The following RIMS2 variants were observed in gnomAD, a reference collection of about 807,000 sequenced individuals.
The protein encoded by RIMS2 is regulating synaptic membrane exocytosis 2.
Under a neutral mutation model 174.4 loss-of-function variants are expected in RIMS2, and 59 were observed. The observed-to-expected ratio is 0.34, with a 90% confidence interval of 0.27 to 0.42. The LOEUF (loss-of-function observed/expected upper bound fraction) is 0.42. RIMS2 is among the 10% of genes least tolerant of loss of function. The pLI is 1.00. For synonymous variants in RIMS2, 606 were observed against 572.5 expected, an observed-to-expected ratio of 1.06 and a Z score of -0.84; for missense variants, 1,620 against 1,666.3, an observed-to-expected ratio of 0.97 and a Z score of 0.48.
At chr8:103,894,881 A>G (rs2099268449) in intron 4 of RIMS2, among the ~76,000 whole-genome samples, 1 of 151,580 alleles carries the variant, frequency 6.6e-6, no homozygotes, top group African/African-American at 2.4e-5. Context: ...CAGTCCCTGG[A>G]TTACAGTACA....
chr8:103,667,855 G>A (rs2096692540), intron 1 of RIMS2, among the ~76,000 whole-genome samples: 1 of 152,130 alleles, frequency 6.6e-6, no homozygotes, highest in Non-Finnish European at 1.5e-5. Flanking sequence ...AGTCTGTAGG[G>A]GATCTTCTGA....
chr8:103,667,202 T>C (rs961998660), intron 1 of RIMS2, among the ~76,000 whole-genome samples: 1 of 152,190 alleles, frequency 6.6e-6, no homozygotes. Context: ...ACATAATGTA[T>C]GTGTCATGTG....
intron 19 of RIMS2, among the ~76,000 whole-genome samples, chr8:104,186,778 G>A (rs887166714): frequency 6.6e-6 from 1 of 151,690 alleles, no homozygotes; most frequent in Admixed American, 6.6e-5. Flanking sequence ...TTACTTATCT[G>A]TATTAGAGAA....
intron 1 of RIMS2, among the ~76,000 whole-genome samples, chr8:103,638,984 C>T (rs1179832131): frequency 6.6e-6 from 1 of 151,970 alleles, no homozygotes; most frequent in African/African-American, 2.4e-5. Context: ...AAATTTAGCA[C>T]TGCTGGCAGG....
chr8:104,095,661 T>G (rs1012727331), intron 19 of RIMS2, among the ~76,000 whole-genome samples: 1 of 152,020 alleles, frequency 6.6e-6, no homozygotes, highest in Admixed American at 6.6e-5. Context: ...TATATGAGAC[T>G]GAAAATTGTA....
chr8:103,571,264 A>T (rs905346938), intron 1 of RIMS2, among the ~76,000 whole-genome samples: 1 of 152,234 alleles, frequency 6.6e-6, no homozygotes, highest in Admixed American at 6.5e-5. Flanking sequence ...TATGTTCAAC[A>T]AAATAAAATT....
intron 10 of RIMS2, among the ~76,000 whole-genome samples, chr8:103,923,399 G>A (rs143530045): frequency 6.6e-6 from 1 of 151,820 alleles, no homozygotes; most frequent in Non-Finnish European, 1.5e-5. Context: ...GAATCCCAAG[G>A]TCTTATTACA....
intron 3 of RIMS2, among the ~76,000 whole-genome samples, chr8:103,828,696 G>A (rs878998194): frequency 8.6e-6 from 1 of 116,364 alleles, no homozygotes; most frequent in Non-Finnish European, 2.0e-5. Context: ...TTATAGTCTT[G>A]GGTTTTACAT....
At chr8:103,645,316 T>C (rs1164851059) in intron 1 of RIMS2, among the ~76,000 whole-genome samples, 1 of 152,090 alleles carries the variant, frequency 6.6e-6, no homozygotes, top group Non-Finnish European at 1.5e-5. Flanking sequence ...CTGAATTTTA[T>C]AAAGAGAATA....
intron 2 of RIMS2, among the ~76,000 whole-genome samples, chr8:103,732,647 G>C (rs2097618613): frequency 6.6e-6 from 1 of 152,106 alleles, no homozygotes; most frequent in African/African-American, 2.4e-5. Context: ...AGCTGAGCTT[G>C]TACCCAAGCT....
intron 19 of RIMS2, among the ~76,000 whole-genome samples, chr8:104,085,047 T>A (rs774268951): frequency 5.9e-5 from 9 of 152,194 alleles, no homozygotes; most frequent in Non-Finnish European, 1.2e-4. Flanking sequence ...GGTCAGAAAT[T>A]TTCTTCTGAC....
intron 1 of RIMS2, among the ~76,000 whole-genome samples, chr8:103,649,756 T>C (rs942507983): frequency 6.6e-6 from 1 of 152,154 alleles, no homozygotes; most frequent in Non-Finnish European, 1.5e-5. Flanking sequence ...ATGTTGTGTT[T>C]TTCAGCTCCA....
intron 1 of RIMS2, among the ~76,000 whole-genome samples, chr8:103,613,755 G>T (rs1232977414): frequency 6.6e-6 from 1 of 152,136 alleles, no homozygotes; most frequent in African/African-American, 2.4e-5. Flanking sequence ...GTCAGCACGT[G>T]ATTAATCCTG....
intron 14 of RIMS2, among the ~76,000 whole-genome samples, chr8:103,959,322 T>G (rs1369428121): frequency 6.6e-6 from 1 of 152,170 alleles, no homozygotes; most frequent in Non-Finnish European, 1.5e-5. Context: ...GTATCATAAA[T>G]AGGGACATGT....
At chr8:104,181,978 C>T (rs749654880) in intron 19 of RIMS2, among the ~76,000 whole-genome samples, 1 of 151,600 alleles carries the variant, frequency 6.6e-6, no homozygotes. Context: ...TTCCTTGAAT[C>T]CTATCTTAAC....
At chr8:103,910,033 G>C in intron 4 of RIMS2, 1 of 662,798 alleles carries the variant, frequency 1.5e-6, no homozygotes, top group Non-Finnish European at 2.7e-6. Flanking sequence ...CAAAGTTCTT[G>C]AGACCAGACA....
chr8:103,500,680 C>G (rs990901752), upstream of RIMS2: 2 of 492,248 alleles, frequency 4.1e-6, no homozygotes, highest in Admixed American at 3.8e-5. Context: ...TTTCCCGAAG[C>G]GCACTCCTCA....
chr8:104,063,020 A>G (rs1312607264), intron 19 of RIMS2, among the ~76,000 whole-genome samples: 1 of 152,052 alleles, frequency 6.6e-6, no homozygotes, highest in Non-Finnish European at 1.5e-5. Context: ...GATTATATTT[A>G]TCACTCTACT....
rs189878435 is a variant in RIMS2, at chr8:103,643,689, G to A, written c.177-53397G>A. On this transcript the variant is annotated intron_variant, in intron 1 of 23. Transcript: ENST00000504942. ...CCTTACTAAATAGTTTCTGAGGATT[G>A]CAGTTGTTTTAGTTGTTTCACCTGT... Among the ~76,000 whole-genome samples the A allele has an allele frequency of 1.2e-4, 19 of 152,100 alleles. 1 individual carries two copies. Among genetic ancestry groups the A allele is most frequent in the Admixed American group, 1.0e-3 (16 of 15,262 alleles).
Sources: allele counts gnomAD v4.1 joint callset (sites outside exome capture counted in the v4.1 genomes callset), GRCh38; gene constraint gnomAD v4.1.1; transcripts MANE v1.5; gene names NCBI Gene and HGNC (gene_info 2026-07-23, HGNC 2026-07-21).